The following LRRC4C variants were observed in gnomAD, a reference collection of about 807,000 sequenced individuals.
LRRC4C encodes leucine rich repeat containing 4C, also known as leucine-rich repeat-containing protein 4C.
A neutral mutation model predicts 33.6 loss-of-function variants in LRRC4C; 5 were observed. The ratio of observed to expected loss-of-function variants is 0.15; its 90% CI spans 0.08 to 0.31. The LOEUF is 0.31. Ranked by LOEUF, LRRC4C falls within the 10% of genes least tolerant of loss-of-function variation. The pLI, the probability that LRRC4C is intolerant of heterozygous loss-of-function variation, is 1.00. For synonymous variants in LRRC4C, 329 were observed against 302.0 expected (o/e 1.09, Z -0.93); for missense variants, 560 against 796.7 (o/e 0.70, Z 3.58).
At chr11:40,595,525 C>A (rs907248175) in intron 3 of LRRC4C, among the ~76,000 whole-genome samples, 5 of 152,082 alleles carry the variant, frequency 3.3e-5, no homozygotes, top group Admixed American at 3.3e-4. Context: ...TCTTCCTCTT[C>A]TTCCTCTTTC....
intron 1 of LRRC4C, among the ~76,000 whole-genome samples, chr11:41,333,716 T>C (rs1377077074): frequency 6.6e-6 from 1 of 152,190 alleles, no homozygotes; most frequent in Non-Finnish European, 1.5e-5. Flanking sequence ...TTTCTCAGCA[T>C]GGGTAGTAAA....
At chr11:41,040,054 C>T (rs188300177) in intron 1 of LRRC4C, among the ~76,000 whole-genome samples, 177 of 148,664 alleles carry the variant, frequency 1.2e-3, no homozygotes, top group South Asian at 8.7e-3. Flanking sequence ...AGGAGGATGG[C>T]GTGAACCCAG....
At chr11:41,320,566 T>C (rs1049563025) in intron 1 of LRRC4C, among the ~76,000 whole-genome samples, 6 of 148,702 alleles carry the variant, frequency 4.0e-5, no homozygotes, top group Non-Finnish European at 8.8e-5. Flanking sequence ...AATTTTAGTG[T>C]TATGAAAAAT....
intron 3 of LRRC4C, among the ~76,000 whole-genome samples, chr11:40,527,028 G>A (rs1270147879): frequency 6.6e-6 from 1 of 152,066 alleles, no homozygotes; most frequent in Non-Finnish European, 1.5e-5. Context: ...AAAATTATAT[G>A]CTTTATGTTC....
intron 1 of LRRC4C, among the ~76,000 whole-genome samples, chr11:41,039,164 C>T (rs1245640197): frequency 6.6e-6 from 1 of 152,202 alleles, no homozygotes; most frequent in South Asian, 2.1e-4. Flanking sequence ...CAGTTATGGA[C>T]TCCACAGGGG....
At chr11:40,253,266 T>A (rs929125735) in intron 4 of LRRC4C, among the ~76,000 whole-genome samples, 1 of 152,230 alleles carries the variant, frequency 6.6e-6, no homozygotes, top group Admixed American at 6.5e-5. Flanking sequence ...TGTTTGACTT[T>A]ACAATGGCAT....
chr11:40,866,290 G>T (rs1009480576), intron 2 of LRRC4C, among the ~76,000 whole-genome samples: 6 of 151,076 alleles, frequency 4.0e-5, no homozygotes, highest in African/African-American at 1.5e-4. Context: ...ATACAGAAAA[G>T]ATATTTCCTT....
intron 3 of LRRC4C, among the ~76,000 whole-genome samples, chr11:40,455,467 T>C (rs1333464650): frequency 6.6e-6 from 1 of 152,196 alleles, no homozygotes; most frequent in Non-Finnish European, 1.5e-5. Flanking sequence ...TCTGTTGATT[T>C]CAGTGATAGC....
In LRRC4C at chr11:40,538,778, T is replaced by A. The variant is rs1041378102; in HGVS notation, c.-270+109364A>T. 3.3e-5 allele frequency among the ~76,000 whole-genome samples: 5 copies of A among 152,196 alleles called. No homozygotes were observed. In the East Asian group the frequency reaches 9.6e-4, roughly 29 times the overall value. On this transcript the variant is annotated intron_variant, in intron 3 of 6. Transcript: ENST00000528697. ...TCTACCAATAGTGTAAAAGTGTTCC[T>A]ATTTCTCCACGTCCTCTGCAGCACC...
chr11:40,457,173 T>C (rs904331635), intron 3 of LRRC4C, among the ~76,000 whole-genome samples: 1 of 147,374 alleles, frequency 6.8e-6, no homozygotes, highest in African/African-American at 2.5e-5. Flanking sequence ...AAAAAAAGAA[T>C]CTCAAAGAAC....
chr11:40,595,744 C>T (rs1424138312), intron 3 of LRRC4C, among the ~76,000 whole-genome samples: 2 of 152,104 alleles, frequency 1.3e-5, no homozygotes, highest in Non-Finnish European at 2.9e-5. Flanking sequence ...TACATAGCAA[C>T]AGCAGGCAGA....
chr11:41,454,972 T>C (rs1956132983), intron 1 of LRRC4C, among the ~76,000 whole-genome samples: 1 of 152,116 alleles, frequency 6.6e-6, no homozygotes, highest in Non-Finnish European at 1.5e-5. Context: ...CATTCACTCA[T>C]CACAGAATTG....
chr11:40,201,951 A>G (rs1862784763), intron 5 of LRRC4C, among the ~76,000 whole-genome samples: 1 of 152,190 alleles, frequency 6.6e-6, no homozygotes, highest in South Asian at 2.1e-4. Context: ...TGAAAGTGAG[A>G]ATGAGGCCAA....
chr11:40,131,204 A>G (rs898542168), intron 6 of LRRC4C, among the ~76,000 whole-genome samples: 8 of 152,350 alleles, frequency 5.3e-5, no homozygotes, highest in African/African-American at 1.9e-4. Context: ...TTATAAAAAC[A>G]TAATGTATTG....
intron 3 of LRRC4C, among the ~76,000 whole-genome samples, chr11:40,356,602 C>G (rs1437299732): frequency 1.3e-5 from 2 of 151,962 alleles, no homozygotes; most frequent in Non-Finnish European, 2.9e-5. Context: ...TTCTATTGAA[C>G]CTATGAGGAA....
At chr11:40,579,239 G>A (rs921364140) in intron 3 of LRRC4C, among the ~76,000 whole-genome samples, 4 of 151,834 alleles carry the variant, frequency 2.6e-5, no homozygotes, top group Admixed American at 2.6e-4. Context: ...AAGAGGCAGA[G>A]GCACAAGAGC....
At chr11:40,133,556 A>C (rs892907634) in intron 6 of LRRC4C, among the ~76,000 whole-genome samples, 4 of 152,208 alleles carry the variant, frequency 2.6e-5, no homozygotes, top group Admixed American at 2.6e-4. Context: ...TATGATTCTA[A>C]GTATATTCTC....
intron 4 of LRRC4C, among the ~76,000 whole-genome samples, chr11:40,317,449 C>G (rs1281113364): frequency 1.3e-5 from 2 of 152,060 alleles, no homozygotes; most frequent in Non-Finnish European, 2.9e-5. Context: ...GATGCTCTAG[C>G]TTGAAATTCT....
intron 1 of LRRC4C, among the ~76,000 whole-genome samples, chr11:41,299,152 G>A (rs911832903): frequency 2.0e-5 from 3 of 152,008 alleles, no homozygotes; most frequent in African/African-American, 7.2e-5. Flanking sequence ...ACCTAATAGT[G>A]GGATTATTGG....
Sources: gnomAD v4.1 joint callset for allele counts (sites outside exome capture counted in the v4.1 genomes callset) on GRCh38, gnomAD v4.1.1 for gene constraint, MANE v1.5 for transcripts, NCBI Gene and HGNC (gene_info 2026-07-23, HGNC 2026-07-21) for gene names.